The following RNF130 variants were observed in gnomAD, a reference collection of about 807,000 sequenced individuals.
RNF130 encodes the protein ring finger protein 130.
A neutral mutation model predicts 44.6 loss-of-function variants in RNF130; 21 were observed. The ratio of observed to expected loss-of-function variants is 0.47; its 90% CI spans 0.33 to 0.68. The LOEUF (loss-of-function observed/expected upper bound fraction) is 0.68, where lower values mean the gene tolerates loss of function less well. Ranked by LOEUF, RNF130 falls within the 30% of genes least tolerant of loss-of-function variation. The pLI, the probability that RNF130 is intolerant of heterozygous loss-of-function variation, is 0.02. For synonymous variants in RNF130, 214 were observed against 210.4 expected (o/e 1.02, Z -0.15); for missense variants, 479 against 560.6 (o/e 0.85, Z 1.47).
intron 8 of RNF130, among the ~76,000 whole-genome samples, chr5:179,961,949 T>C (rs1048582652): frequency 2.0e-5 from 3 of 152,242 alleles, no homozygotes; most frequent in Non-Finnish European, 4.4e-5. Flanking sequence ...CTAAGCATTT[T>C]ATAGGCTGAT....
At chr5:180,069,948 C>T (rs1348272108) in intron 1 of RNF130, among the ~76,000 whole-genome samples, 1 of 152,160 alleles carries the variant, frequency 6.6e-6, no homozygotes, top group Non-Finnish European at 1.5e-5. Flanking sequence ...CACACGAACA[C>T]CGTGGAGGAA....
downstream of RNF130, among the ~76,000 whole-genome samples, chr5:179,951,161 C>T (rs1762118414): frequency 6.6e-6 from 1 of 152,156 alleles, no homozygotes; most frequent in African/African-American, 2.4e-5. Flanking sequence ...TTAAAACATT[C>T]TTCAACCCCG....
chr5:180,027,537 C>G (rs114213141), intron 2 of RNF130, among the ~76,000 whole-genome samples: 1 of 152,302 alleles, frequency 6.6e-6, no homozygotes, highest in African/African-American at 2.4e-5. Context: ...GCTACTTAAC[C>G]TGCACTTCTC....
intron 7 of RNF130, among the ~76,000 whole-genome samples, chr5:179,922,880 G>A (rs964404154): frequency 7.7e-6 from 1 of 129,990 alleles, no homozygotes; most frequent in African/African-American, 2.9e-5. Context: ...GCTGCAGTGA[G>A]CCGAGACTAC....
chr5:179,947,435 TGGTCAGGACACCCCACA>T (rs1255362502), intron 7 of RNF130, among the ~76,000 whole-genome samples: 1 of 152,228 alleles, frequency 6.6e-6, no homozygotes, highest in African/African-American at 2.4e-5. Context: ...TAGGGGCCAC[TGGTCAGGACACCCCACA>T]GCCTGCCCCT....
chr5:179,925,228 C>T (rs143911354), intron 7 of RNF130, among the ~76,000 whole-genome samples: 118 of 152,280 alleles, frequency 7.7e-4, no homozygotes, highest in African/African-American at 2.8e-3. Context: ...TTCAGCCTCA[C>T]CCCCCAGCCT....
rs889492717 is a variant in RNF130, at chr5:179,966,914, C to T, written c.1042G>A (p.Gly348Ser). ...GGCTCAAGGCCAAGGGAGTTGTCGCCGGCGAGGTCGCCGAGGGCTGATCTT... is the reference window on the plus strand; with the variant it reads ...GGCTCAAGGCCAAGGGAGTTGTCGCTGGCGAGGTCGCCGAGGGCTGATCTT... The part of the protein sequence containing the change: ...NRRSALGDLA[G>S]DNSLGLEPLR... Residue 348 changes from glycine to serine, a missense_variant, in exon 7 of 9, where the codon GGC becomes AGC. Coordinates refer to ENST00000521389, the MANE Select transcript of RNF130 (RefSeq NM_018434.6). The T allele has an allele frequency of 1.5e-5, 25 of 1,614,074 alleles. No individual in the cohort carries two copies. Among genetic ancestry groups the T allele is most frequent in the African/African-American group, 5.3e-5 (4 of 74,932 alleles).
chr5:180,009,144 T>C (rs1224599337), intron 3 of RNF130, among the ~76,000 whole-genome samples: 4 of 152,120 alleles, frequency 2.6e-5, no homozygotes, highest in African/African-American at 9.7e-5. Context: ...TAAAACATAA[T>C]ATAAAACTTC....
intron 1 of RNF130, among the ~76,000 whole-genome samples, chr5:180,057,974 A>C (rs1337953467): frequency 1.1e-4 from 17 of 152,174 alleles, no homozygotes. Flanking sequence ...GTCTGCGCTA[A>C]CTTTACCAGG....
Position 179,955,421 on chromosome 5 carries a change from C to T in RNF130, c.*233G>A, listed in dbSNP as rs1267919959. On this transcript the variant is annotated 3_prime_UTR_variant, in exon 9 of 9. Transcript: ENST00000521389. ...CACAAACAAATGCAATCTGGGTCTG[C>T]GAGCTTCAAATCAGCCCTCAAAACA... The T allele has an allele frequency of 1.4e-5, 6 of 427,080 alleles. No individual in the cohort carries two copies. Among genetic ancestry groups the T allele is most frequent in the East Asian group, 3.6e-5 (1 of 28,084 alleles). The allele number at this position is 427,080 out of a possible 1,614,324, so 26.5% of individuals were successfully genotyped here. A position where few individuals can be genotyped will look rare whatever the true frequency, so the allele number is the denominator to read the frequency against.
exon 8 of RNF130, chr5:179,914,014 T>A (rs1404234570): frequency 6.6e-6 from 1 of 152,308 alleles, no homozygotes; most frequent in Non-Finnish European, 1.5e-5. Flanking sequence ...GATGCTACAA[T>A]ACTTCAAACA....
chr5:180,013,708 G>C (rs1229946910), intron 2 of RNF130, among the ~76,000 whole-genome samples: 4 of 152,178 alleles, frequency 2.6e-5, no homozygotes, highest in African/African-American at 9.7e-5. Flanking sequence ...ATTTTAAAAT[G>C]ATCTTCAGAA....
chr5:180,051,246 T>TTATTTATTTATTTATG (rs1764681653), intron 1 of RNF130, among the ~76,000 whole-genome samples: 2 of 149,892 alleles, frequency 1.3e-5, no homozygotes, highest in East Asian at 3.9e-4. Flanking sequence ...TTATATTTAT[T>TTATTTATTTATTTATG]TATTTATTTA....
rs182897318 is a variant in RNF130, at chr5:179,968,175, C to G, written c.946-1165G>C. The stretch of plus-strand genomic sequence containing the variant: ...CCGGGCATGGTGGCGGGTGCCTGTA[C>G]TCCCAGCTACTCGGGAGGCTGAGGC... On this transcript the variant is annotated intron_variant, in intron 6 of 8. Coordinates refer to ENST00000521389, the MANE Select transcript of RNF130 (RefSeq NM_018434.6). 9.6e-3 allele frequency among the ~76,000 whole-genome samples: 1,457 copies of G among 151,740 alleles called. 14 individuals carry two copies. The highest frequency in any genetic ancestry group is 0.035 in the Admixed American group (534 of 15,254).
intron 7 of RNF130, among the ~76,000 whole-genome samples, chr5:179,943,501 T>C (rs1422758125): frequency 2.0e-5 from 3 of 152,190 alleles, no homozygotes; most frequent in African/African-American, 7.2e-5. Flanking sequence ...CACTTATTAC[T>C]TATTCAGAAA....
At chr5:180,063,305 T>A (rs1381720605) in intron 1 of RNF130, among the ~76,000 whole-genome samples, 2 of 152,176 alleles carry the variant, frequency 1.3e-5, no homozygotes, top group Admixed American at 1.3e-4. Context: ...AAACAACAGA[T>A]ACGTACGATC....
rs149534138 is a variant in RNF130, at chr5:179,975,190, G to T, written c.848+3013C>A. ...TCTGGGCTTCAAAGACAATAGGGGC[G>T]GGGAGGCGTCCCAAGGCAGAAGGAA... On this transcript the variant is annotated intron_variant, in intron 5 of 8. Transcript: ENST00000521389. Among the ~76,000 whole-genome samples, 6 of 152,384 alleles carry T rather than the reference G, an allele frequency of 3.9e-5. No individual in the cohort carries two copies. In the East Asian group the frequency reaches 9.6e-4, roughly 24 times the overall value.
At position 179,963,547 on chromosome 5, in the gene RNF130, CAAT is replaced by C; in HGVS notation, c.1165_1167del (p.Ile389del). 6.2e-7 allele frequency: 1 copy of C among 1,612,946 alleles called. No homozygotes were observed. Among genetic ancestry groups the C allele is most frequent in the Non-Finnish European group, 8.5e-7 (1 of 1,179,010 alleles). ...AGGGCACTGAGGAGGCCAAAACTGG[CAAT>C]AATAAACCATTCTTCTGTTGACAAA... On this transcript the variant is annotated inframe_deletion, in exon 8 of 9. Transcript: ENST00000521389.
At chr5:179,958,054 T>C (rs570009005) in intron 8 of RNF130, among the ~76,000 whole-genome samples, 3 of 152,134 alleles carry the variant, frequency 2.0e-5, no homozygotes, top group South Asian at 4.2e-4. Flanking sequence ...ATTTTTTGTA[T>C]TTTTAGTAGA....
Sources: allele counts gnomAD v4.1 joint callset (sites outside exome capture counted in the v4.1 genomes callset), GRCh38; gene constraint gnomAD v4.1.1; transcripts MANE v1.5; gene names NCBI Gene and HGNC (gene_info 2026-07-23, HGNC 2026-07-21).